The following SEPTIN7 variants were observed in gnomAD, a reference collection of about 807,000 sequenced individuals.
The protein encoded by SEPTIN7 is septin-7.
Under a neutral mutation model 63.3 loss-of-function variants are expected in SEPTIN7, and 10 were observed. The ratio of observed to expected loss-of-function variants is 0.16; its 90% confidence interval spans 0.10 to 0.27. The LOEUF (loss-of-function observed/expected upper bound fraction) is 0.27, where lower values mean the gene tolerates loss of function less well. Ranked by LOEUF, SEPTIN7 falls within the 10% of genes least tolerant of loss-of-function variation. SEPTIN7 has a pLI of 1.00. For synonymous variants in SEPTIN7, 131 were observed against 165.3 expected (o/e 0.79, Z 1.59); for missense variants, 310 against 521.0 (o/e 0.59, Z 3.94).
chr7:35,814,237 C>T (rs542243950), intron 1 of SEPTIN7, among the ~76,000 whole-genome samples: 1 of 152,186 alleles, frequency 6.6e-6, no homozygotes, highest in South Asian at 2.1e-4. Context: ...TACATTTTCA[C>T]CCCCAGTGAA....
intron 4 of SEPTIN7, among the ~76,000 whole-genome samples, chr7:35,863,876 C>G (rs1320667430): frequency 6.7e-6 from 1 of 149,268 alleles, no homozygotes; most frequent in Non-Finnish European, 1.5e-5. Context: ...CTAGAGGACT[C>G]TCCTAGAGAT....
chr7:35,805,294 A>C (rs1414685107), intron 1 of SEPTIN7, among the ~76,000 whole-genome samples: 1 of 152,204 alleles, frequency 6.6e-6, no homozygotes, highest in Non-Finnish European at 1.5e-5. Flanking sequence ...ATCTTATGGG[A>C]CTACTGTCAT....
intron 1 of SEPTIN7, among the ~76,000 whole-genome samples, chr7:35,810,714 G>T (rs1439473704): frequency 6.6e-6 from 1 of 151,950 alleles, no homozygotes; most frequent in African/African-American, 2.4e-5. Context: ...TTGCAGGAGT[G>T]ACATTTTGTA....
At chr7:35,908,808 G>T (rs552085306), downstream of SEPTIN7, among the ~76,000 whole-genome samples, 16 of 152,366 alleles carry the variant, frequency 1.1e-4, no homozygotes, top group South Asian at 2.1e-4. Flanking sequence ...TCCCCTGGGT[G>T]AGGGGCTGGC....
downstream of SEPTIN7, among the ~76,000 whole-genome samples, chr7:35,907,925 G>C (rs1432636080): frequency 6.6e-6 from 1 of 152,184 alleles, no homozygotes; most frequent in Non-Finnish European, 1.5e-5. Flanking sequence ...CAGACCTCGA[G>C]AATGTGACAA....
intron 11 of SEPTIN7, among the ~76,000 whole-genome samples, chr7:35,895,817 A>T (rs1323681754): frequency 6.6e-6 from 1 of 151,936 alleles, no homozygotes; most frequent in Non-Finnish European, 1.5e-5. Flanking sequence ...AAATGAAGAT[A>T]TTTTTTTCTT....
At chr7:35,861,928 T>G (rs1190676392) in intron 3 of SEPTIN7, among the ~76,000 whole-genome samples, 1 of 152,194 alleles carries the variant, frequency 6.6e-6, no homozygotes, top group Non-Finnish European at 1.5e-5. Context: ...TTTTTTTTCT[T>G]AATTGGGCAT....
intron 12 of SEPTIN7, chr7:35,901,244 TA>T (rs1207825576): frequency 1.3e-5 from 2 of 152,180 alleles, no homozygotes. Flanking sequence ...ATAAGAAGGA[TA>T]AATTAACTTA....
intron 2 of SEPTIN7, chr7:35,832,204 T>G (rs1367390675): frequency 2.4e-6 from 1 of 410,692 alleles, no homozygotes; most frequent in Non-Finnish European, 4.8e-6. Flanking sequence ...TAGGATCATG[T>G]GAAACCTTGA....
chr7:35,889,750 G>A (rs1787520925), intron 10 of SEPTIN7, among the ~76,000 whole-genome samples: 2 of 152,068 alleles, frequency 1.3e-5, no homozygotes, highest in South Asian at 4.1e-4. Flanking sequence ...CACCATGTTG[G>A]CCAGGCTGGT....
intron 1 of SEPTIN7, among the ~76,000 whole-genome samples, chr7:35,829,936 C>T (rs141459090): frequency 0.015 from 2,239 of 150,810 alleles, 51 homozygotes; most frequent in African/African-American, 0.05. Flanking sequence ...GCCTGTAATC[C>T]CAGCACTTTG....
intron 3 of SEPTIN7, among the ~76,000 whole-genome samples, chr7:35,857,850 C>G (rs1270072804): frequency 5.9e-5 from 9 of 151,964 alleles, no homozygotes; most frequent in Admixed American, 5.9e-4. Context: ...GAGAAACCTT[C>G]ATCACTGTTT....
intron 9 of SEPTIN7, 98 bp from the exon 10 acceptor site, chr7:35,885,730 C>T (rs564074503): frequency 1.0e-5 from 9 of 886,608 alleles, no homozygotes; most frequent in African/African-American, 6.7e-5. Flanking sequence ...TTTGCATTTC[C>T]TCTTCTTGTT....
At chr7:35,810,113 A>G (rs1329592626) in intron 1 of SEPTIN7, among the ~76,000 whole-genome samples, 2 of 152,200 alleles carry the variant, frequency 1.3e-5, no homozygotes, top group African/African-American at 4.8e-5. Context: ...CATGTCTTGT[A>G]GGGTCTCAAT....
intron 3 of SEPTIN7, among the ~76,000 whole-genome samples, chr7:35,857,109 C>T (rs1357377260): frequency 2.6e-5 from 4 of 151,842 alleles, no homozygotes; most frequent in Non-Finnish European, 4.4e-5. Context: ...ATTGGGGGGG[C>T]AAAATTGTGT....
At chr7:35,818,545 A>G (rs1235586380) in intron 1 of SEPTIN7, among the ~76,000 whole-genome samples, 1 of 152,050 alleles carries the variant, frequency 6.6e-6, no homozygotes, top group African/African-American at 2.4e-5. Context: ...ACCTTTAAAC[A>G]TTTGATAGAA....
intron 11 of SEPTIN7, among the ~76,000 whole-genome samples, chr7:35,892,406 T>C (rs1787703724): frequency 6.6e-6 from 1 of 152,140 alleles, no homozygotes; most frequent in South Asian, 2.1e-4. Flanking sequence ...ATAGTGAATA[T>C]TGTTCATAAA....
chr7:35,906,784 C>G lies in SEPTIN7; in HGVS notation c.*2491C>G, dbSNP rs187110811. The G allele has an allele frequency of 6.6e-6, 1 of 152,326 alleles. No individual in the cohort carries two copies. The highest frequency in any genetic ancestry group is 2.4e-5 in the African/African-American group (1 of 41,572). 9.4% of individuals were successfully genotyped at this position (152,326 alleles called of 1,614,324 possible). On this transcript the variant is annotated 3_prime_UTR_variant, in exon 14 of 14. Coordinates refer to ENST00000350320, the MANE Select transcript of SEPTIN7 (RefSeq NM_001788.6). ...CATTAGCTGGGTGTCACATTACCACCTGCACATTCTGACCCACCGCATCTT... is the reference window on the plus strand; with the variant it reads ...CATTAGCTGGGTGTCACATTACCACGTGCACATTCTGACCCACCGCATCTT...
At chr7:35,851,972 C>A (rs918694326) in intron 3 of SEPTIN7, among the ~76,000 whole-genome samples, 3 of 152,140 alleles carry the variant, frequency 2.0e-5, no homozygotes, top group African/African-American at 7.2e-5. Context: ...TTCTACTTTA[C>A]CCCCCTGCAT....
Sources: gnomAD v4.1 joint callset for allele counts (sites outside exome capture counted in the v4.1 genomes callset) on GRCh38, gnomAD v4.1.1 for gene constraint, MANE v1.5 for transcripts, NCBI Gene and HGNC (gene_info 2026-07-23, HGNC 2026-07-21) for gene names.